TASP1: variants seen among roughly 807,000 people sequenced by gnomAD.
TASP1 encodes taspase 1.
A neutral mutation model predicts 56.6 loss-of-function variants in TASP1; 16 were observed. The ratio of observed to expected loss-of-function variants is 0.28; its 90% confidence interval spans 0.19 to 0.43. The LOEUF (loss-of-function observed/expected upper bound fraction) is 0.43, where lower values mean the gene tolerates loss of function less well. Ranked by LOEUF, TASP1 falls within the 20% of genes least tolerant of loss-of-function variation. The pLI, the probability that TASP1 is intolerant of heterozygous loss-of-function variation, is 1.00. For missense variants in TASP1, 393 were observed against 511.6 expected, an observed-to-expected ratio of 0.77 and a Z score of 2.24; for synonymous variants, 179 against 184.2, an observed-to-expected ratio of 0.97 and a Z score of 0.23.
At chr20:13,448,606 C>T (rs1012928906) in intron 11 of TASP1, among the ~76,000 whole-genome samples, 30 of 151,990 alleles carry the variant, frequency 2.0e-4, no homozygotes, top group African/African-American at 7.2e-4. Context: ...CACAAAGAAA[C>T]GTGGCGTGGT....
intron 4 of TASP1, among the ~76,000 whole-genome samples, chr20:13,603,385 T>C (rs2048031515): frequency 6.7e-6 from 1 of 150,216 alleles, no homozygotes; most frequent in South Asian, 2.1e-4. Flanking sequence ...AAAAAAAAAA[T>C]ACAAAAATTT....
At position 13,503,330 on chromosome 20, in the gene TASP1, C is replaced by T. The variant is rs537517578; in HGVS notation, c.875-19993G>A. On this transcript the variant is annotated intron_variant, in intron 10 of 13. Coordinates refer to ENST00000337743, the MANE Select transcript of TASP1 (RefSeq NM_017714.3). ...AAATAGAAGTGTCTTGTGCAGATAG[C>T]CAGCTCAACTCTGCAGGATTGAGAA... 5.3e-5 allele frequency among the ~76,000 whole-genome samples: 8 copies of T among 152,170 alleles called. 1 individual carries two copies. The South Asian group carries it at 1.5e-3, about 28-fold the overall frequency.
Position 13,390,100 on chromosome 20 carries a change from C to T in TASP1, c.*260G>A, listed in dbSNP as rs146704625. 1.7e-4 allele frequency: 58 copies of T among 339,508 alleles called. No individual in the cohort carries two copies. In the East Asian group the frequency reaches 3.0e-3, roughly 18 times the overall value. The allele number at this position is 339,508 out of a possible 1,614,324, so 21.0% of individuals were successfully genotyped here. On this transcript the variant is annotated 3_prime_UTR_variant, in exon 14 of 14. Transcript: ENST00000337743. The stretch of plus-strand genomic sequence containing the variant: ...CAATGAGGAGTTTCTATTTCATCCA[C>T]GGAGAAGCAAACACACATACTCCAC...
chr20:13,191,536 C>T, the TASP1 span, among the ~76,000 whole-genome samples: 1 of 152,152 alleles, frequency 6.6e-6, no homozygotes, highest in South Asian at 2.1e-4. Context: ...AAGCTAAAAA[C>T]GTTGGTTACA....
the TASP1 span, among the ~76,000 whole-genome samples, chr20:13,295,889 A>G: frequency 6.6e-6 from 1 of 152,222 alleles, no homozygotes; most frequent in Admixed American, 6.5e-5. Context: ...GCTGGTCAGC[A>G]AAGCATCCAC....
At chr20:13,413,009 T>C (rs1444439915) in intron 13 of TASP1, among the ~76,000 whole-genome samples, 3 of 152,050 alleles carry the variant, frequency 2.0e-5, no homozygotes, top group Non-Finnish European at 4.4e-5. Context: ...GGCAGAGTGA[T>C]CAAACCACAG....
chr20:13,233,963 T>C, the TASP1 span, among the ~76,000 whole-genome samples: 1 of 152,200 alleles, frequency 6.6e-6, no homozygotes, highest in Non-Finnish European at 1.5e-5. Flanking sequence ...AGAATCTGCA[T>C]TTTAAAAATG....
chr20:13,390,518 C>T (rs960216214), intron 13 of TASP1, 66 bp from the exon 14 acceptor site: 15 of 1,455,644 alleles, frequency 1.0e-5, no homozygotes, highest in African/African-American at 4.2e-5. Context: ...CACCCCTACC[C>T]GTGTCCAAAA....
At chr20:13,419,386 C>T (rs1191074515) in intron 12 of TASP1, among the ~76,000 whole-genome samples, 1 of 152,182 alleles carries the variant, frequency 6.6e-6, no homozygotes, top group African/African-American at 2.4e-5. Context: ...ATGGTTGTCC[C>T]TTGCACTATT....
the TASP1 span, among the ~76,000 whole-genome samples, chr20:13,152,912 G>A: frequency 6.6e-6 from 1 of 152,268 alleles, no homozygotes; most frequent in African/African-American, 2.4e-5. Flanking sequence ...TCCATCTGAA[G>A]AGTTACAAAC....
At chr20:13,185,004 C>T in the TASP1 span, among the ~76,000 whole-genome samples, 1 of 151,420 alleles carries the variant, frequency 6.6e-6, no homozygotes, top group Non-Finnish European at 1.5e-5. Flanking sequence ...GATTTTTTTT[C>T]CCTCAAATAT....
At chr20:13,513,665 T>G (rs577226285) in intron 10 of TASP1, among the ~76,000 whole-genome samples, 2 of 151,218 alleles carry the variant, frequency 1.3e-5, no homozygotes, top group East Asian at 3.9e-4. Context: ...ATAATAAGAG[T>G]TGCCCAGACT....
At chr20:13,392,948 C>T in intron 13 of TASP1, 1 of 613,160 alleles carries the variant, frequency 1.6e-6, no homozygotes, top group Non-Finnish European at 3.1e-6. Flanking sequence ...CATGCTGGTG[C>T]TGAGTACATT....
chr20:13,474,463 T>C (rs968659391), intron 11 of TASP1, among the ~76,000 whole-genome samples: 8 of 152,244 alleles, frequency 5.3e-5, no homozygotes, highest in Non-Finnish European at 1.2e-4. Flanking sequence ...AAAGACATTA[T>C]TTCATTCCTT....
the TASP1 span, among the ~76,000 whole-genome samples, chr20:13,306,850 C>T: frequency 2.2e-4 from 34 of 152,222 alleles, no homozygotes; most frequent in South Asian, 1.2e-3. Flanking sequence ...CAAGAAAGAA[C>T]GAGGTGTCCC....
the TASP1 span, among the ~76,000 whole-genome samples, chr20:13,150,091 C>A: frequency 6.6e-6 from 1 of 152,154 alleles, no homozygotes; most frequent in Non-Finnish European, 1.5e-5. Flanking sequence ...TATCTGTGTG[C>A]CTTGATTTCC....
chr20:13,627,351 C>G (rs1471853041), intron 2 of TASP1, among the ~76,000 whole-genome samples: 7 of 152,154 alleles, frequency 4.6e-5, no homozygotes, highest in Admixed American at 4.6e-4. Context: ...TGAGGGTCAC[C>G]CTTAATTCAC....
At chr20:13,634,094 G>T (rs1307106973) in intron 1 of TASP1, among the ~76,000 whole-genome samples, 1 of 152,030 alleles carries the variant, frequency 6.6e-6, no homozygotes, top group Non-Finnish European at 1.5e-5. Context: ...ACTTATACAT[G>T]GATATTCATA....
intron 6 of TASP1, among the ~76,000 whole-genome samples, chr20:13,578,464 T>C (rs1371279061): frequency 6.6e-6 from 1 of 152,170 alleles, no homozygotes; most frequent in African/African-American, 2.4e-5. Flanking sequence ...CGTAGTATCT[T>C]CACTTGTATA....
Sources: allele counts gnomAD v4.1 joint callset (sites outside exome capture counted in the v4.1 genomes callset), GRCh38; gene constraint gnomAD v4.1.1; transcripts MANE v1.5; gene names NCBI Gene and HGNC (gene_info 2026-07-23, HGNC 2026-07-21).